The following MAF variants were observed in gnomAD, a reference collection of about 807,000 sequenced individuals.
MAF encodes MAF bZIP transcription factor.
MAF carries 10 observed loss-of-function variants against 22.0 expected under a neutral mutation model. The ratio of observed to expected loss-of-function variants is 0.45; its 90% CI spans 0.28 to 0.77. The LOEUF (loss-of-function observed/expected upper bound fraction) is 0.77. Among genes scored for constraint, MAF ranks in the 30% least tolerant of loss-of-function variants. The pLI is 0.12. For synonymous variants in MAF, 337 were observed against 255.8 expected (o/e 1.32, Z -3.03); for missense variants, 544 against 548.4 (o/e 0.99, Z 0.08).
At chr16:79,450,511 T>A in the MAF span, among the ~76,000 whole-genome samples, 2 of 152,214 alleles carry the variant, frequency 1.3e-5, no homozygotes, top group African/African-American at 4.8e-5. Flanking sequence ...AAGGAGGCTT[T>A]TCCCCCAACC....
the MAF span, among the ~76,000 whole-genome samples, chr16:79,407,825 G>C: frequency 6.6e-6 from 1 of 152,040 alleles, no homozygotes; most frequent in East Asian, 1.9e-4. Context: ...TCGCGGCTTC[G>C]TTTCATGAAT....
the MAF span, among the ~76,000 whole-genome samples, chr16:79,467,170 C>A: frequency 6.6e-6 from 1 of 152,160 alleles, no homozygotes; most frequent in Non-Finnish European, 1.5e-5. Flanking sequence ...CTCCCAAATT[C>A]ATCATTCCCT....
At chr16:79,387,719 T>C in the MAF span, among the ~76,000 whole-genome samples, 1 of 152,214 alleles carries the variant, frequency 6.6e-6, no homozygotes, top group Non-Finnish European at 1.5e-5. Context: ...AATGTTTATA[T>C]TGAGAATATC....
the MAF span, among the ~76,000 whole-genome samples, chr16:79,383,722 C>T: frequency 6.6e-6 from 1 of 152,148 alleles, no homozygotes. Flanking sequence ...CGCTGGTCCT[C>T]TTTGAAAGCA....
the MAF span, among the ~76,000 whole-genome samples, chr16:79,333,700 G>A: frequency 6.6e-6 from 1 of 152,224 alleles, no homozygotes; most frequent in Non-Finnish European, 1.5e-5. Flanking sequence ...CCTGGATCTA[G>A]TGATATCACC....
the MAF span, among the ~76,000 whole-genome samples, chr16:79,249,125 T>C: frequency 6.6e-6 from 1 of 152,096 alleles, no homozygotes; most frequent in Admixed American, 6.6e-5. Context: ...AGTGCCTTTA[T>C]AAAAGAAGTT....
chr16:79,593,717 T>G (rs2143751859), downstream of MAF: 1 of 167,040 alleles, frequency 6.0e-6, no homozygotes, highest in African/African-American at 2.4e-5. Flanking sequence ...TTGTAAAAAA[T>G]TATTACATGG....
chr16:79,240,585 G>A, the MAF span, among the ~76,000 whole-genome samples: 3 of 146,814 alleles, frequency 2.0e-5, no homozygotes, highest in Admixed American at 1.4e-4. Context: ...CTGGGACAGA[G>A]CACCTGCGGG....
chr16:79,395,175 C>T, the MAF span, among the ~76,000 whole-genome samples: 11 of 152,188 alleles, frequency 7.2e-5, no homozygotes, highest in African/African-American at 2.4e-4. Flanking sequence ...ACGTGTTTTG[C>T]GATGAGGTTG....
At chr16:79,425,610 C>G in the MAF span, among the ~76,000 whole-genome samples, 1 of 151,762 alleles carries the variant, frequency 6.6e-6, no homozygotes, top group South Asian at 2.1e-4. Flanking sequence ...TCATTAAAAC[C>G]AAACCAAACC....
At chr16:79,498,945 T>C in the MAF span, among the ~76,000 whole-genome samples, 1 of 152,170 alleles carries the variant, frequency 6.6e-6, no homozygotes, top group Non-Finnish European at 1.5e-5. Context: ...GGCAGATGTG[T>C]AGCAAGGAAT....
At chr16:79,231,127 G>A in the MAF span, among the ~76,000 whole-genome samples, 4 of 152,052 alleles carry the variant, frequency 2.6e-5, no homozygotes, top group Non-Finnish European at 5.9e-5. Flanking sequence ...TGGGATAGCA[G>A]GGACAGCCAC....
At chr16:79,508,866 G>A in the MAF span, among the ~76,000 whole-genome samples, 1 of 152,152 alleles carries the variant, frequency 6.6e-6, no homozygotes, top group African/African-American at 2.4e-5. Context: ...TCGGGGAGAG[G>A]GAATGGGGCG....
At chr16:79,205,351 A>T in the MAF span, 1 of 152,242 alleles carries the variant, frequency 6.6e-6, no homozygotes, top group Non-Finnish European at 1.5e-5. Context: ...TGGGAGAGGC[A>T]ACTGAAAAGG....
the MAF span, among the ~76,000 whole-genome samples, chr16:79,524,834 A>G: frequency 6.6e-6 from 1 of 152,350 alleles, no homozygotes; most frequent in South Asian, 2.1e-4. Flanking sequence ...TATGGGGCAG[A>G]CAGATTCTGT....
chr16:79,405,081 C>G, the MAF span, among the ~76,000 whole-genome samples: 2 of 152,160 alleles, frequency 1.3e-5, no homozygotes, highest in Non-Finnish European at 2.9e-5. Flanking sequence ...GTGGGTGACA[C>G]TTTGGACTCA....
At chr16:79,299,347 G>GAAAAAA in the MAF span, among the ~76,000 whole-genome samples, 15 of 86,764 alleles carry the variant, frequency 1.7e-4, no homozygotes, top group Middle Eastern at 5.7e-3. Flanking sequence ...CAAAGAAAAA[G>GAAAAAA]AAAAAAAAAA....
the MAF span, among the ~76,000 whole-genome samples, chr16:79,559,662 A>G: frequency 8.5e-5 from 13 of 152,290 alleles, no homozygotes; most frequent in East Asian, 1.5e-3. Flanking sequence ...GTACATTACT[A>G]TCTGTAATTA....
chr16:79,376,759 G>C, the MAF span, among the ~76,000 whole-genome samples: 2 of 152,160 alleles, frequency 1.3e-5, no homozygotes, highest in African/African-American at 2.4e-5. Context: ...CCACCTATGA[G>C]TGAGAACACG....
Sources: allele counts gnomAD v4.1 joint callset (sites outside exome capture counted in the v4.1 genomes callset), GRCh38; gene constraint gnomAD v4.1.1; transcripts MANE v1.5; gene names NCBI Gene and HGNC (gene_info 2026-07-23, HGNC 2026-07-21).